Variants in MGAT4C observed in about 807,000 individuals in gnomAD.
MGAT4C encodes MGAT4 family member C.
A neutral mutation model predicts 40.1 loss-of-function variants in MGAT4C; 19 were observed. The ratio of observed to expected loss-of-function variants is 0.47; its 90% CI spans 0.33 to 0.70. The LOEUF (loss-of-function observed/expected upper bound fraction) is 0.70, where lower values mean the gene tolerates loss of function less well. Ranked by LOEUF, MGAT4C falls within the 30% of genes least tolerant of loss-of-function variation. MGAT4C has a pLI of 0.02. For missense variants in MGAT4C, 491 were observed against 563.2 expected, an observed-to-expected ratio of 0.87 and a Z score of 1.30; for synonymous variants, 181 against 187.1, an observed-to-expected ratio of 0.97 and a Z score of 0.27.
chr12:86,627,629 C>CA (rs1359840729), intron 2 of MGAT4C, among the ~76,000 whole-genome samples: 14 of 152,170 alleles, frequency 9.2e-5, no homozygotes, highest in African/African-American at 2.9e-4. Flanking sequence ...CAGCAAACTC[C>CA]AACAGACTTG....
At chr12:86,487,097 C>T (rs1478786872) in intron 2 of MGAT4C, among the ~76,000 whole-genome samples, 1 of 152,146 alleles carries the variant, frequency 6.6e-6, no homozygotes, top group Non-Finnish European at 1.5e-5. Flanking sequence ...ATTATGCTAT[C>T]ATGGTCACGT....
intron 3 of MGAT4C, among the ~76,000 whole-genome samples, chr12:86,394,907 C>T (rs903556331): frequency 1.3e-5 from 2 of 151,870 alleles, no homozygotes; most frequent in African/African-American, 4.8e-5. Context: ...TGAGACACCA[C>T]ACCCGGCTTA....
chr12:86,238,197 A>G (rs1951635078), intron 1 of MGAT4C, among the ~76,000 whole-genome samples: 1 of 151,968 alleles, frequency 6.6e-6, no homozygotes, highest in African/African-American at 2.4e-5. Flanking sequence ...TTCATGTTAG[A>G]GTAGACAAAG....
rs1435779908 is a variant in MGAT4C at position 86,061,463 on chromosome 12, GT to G, written c.-56-11741del. On this transcript the variant is annotated intron_variant, in intron 1 of 4. Coordinates refer to ENST00000611864, the MANE Select transcript of MGAT4C (RefSeq NM_001351288.2). ...GACAGACACTGAGCTAACTGCAGGA[GT>G]TTTTTTTTTGTTTTTTTTTTTCCAT... Among the ~76,000 whole-genome samples the G allele has an allele frequency of 1.4e-4, 14 of 98,504 alleles. No individual in the cohort carries two copies. In the South Asian group the frequency reaches 3.3e-3, roughly 23 times the overall value. The allele number at this position is 98,504 out of a possible 152,430, so 64.6% of individuals were successfully genotyped here. A position where few individuals can be genotyped will look rare whatever the true frequency, so the allele number is the denominator to read the frequency against.
At chr12:86,513,541 C>A (rs963932833) in intron 2 of MGAT4C, among the ~76,000 whole-genome samples, 4 of 152,134 alleles carry the variant, frequency 2.6e-5, no homozygotes, top group Non-Finnish European at 5.9e-5. Flanking sequence ...ATAATCCATT[C>A]ATTTCAATCA....
intron 3 of MGAT4C, among the ~76,000 whole-genome samples, chr12:86,364,178 T>TA (rs1026323708): frequency 4.6e-5 from 7 of 151,638 alleles, no homozygotes; most frequent in Non-Finnish European, 5.9e-5. Context: ...TCCAGAAAAT[T>TA]AAAAAAAAGA....
chr12:86,162,644 G>T (rs1453309618), intron 1 of MGAT4C, among the ~76,000 whole-genome samples: 1 of 152,044 alleles, frequency 6.6e-6, no homozygotes, highest in East Asian at 1.9e-4. Context: ...AATGAAGGTT[G>T]AAGTAAAAAT....
Position 86,096,437 on chromosome 12 carries a change from T to C in MGAT4C, c.-56-46714A>G, listed in dbSNP as rs986556767. ...CCCCTCCCCTTCCCTTCCTTTTTTTTCTTTCTTTCATATTAAAAAAATCCC... is the reference window on the plus strand; with the variant it reads ...CCCCTCCCCTTCCCTTCCTTTTTTTCCTTTCTTTCATATTAAAAAAATCCC... On this transcript the variant is annotated intron_variant, in intron 1 of 4. Coordinates refer to ENST00000611864, the MANE Select transcript of MGAT4C (RefSeq NM_001351288.2). Among the ~76,000 whole-genome samples the C allele has an allele frequency of 5.3e-5, 8 of 151,252 alleles. No homozygotes were observed. In the South Asian group the frequency reaches 1.7e-3, roughly 31 times the overall value.
chr12:86,547,268 G>T (rs552849040), intron 2 of MGAT4C, among the ~76,000 whole-genome samples: 1 of 151,790 alleles, frequency 6.6e-6, no homozygotes, highest in South Asian at 2.1e-4. Context: ...TTCTTCCTCT[G>T]CTTCCTCATC....
intron 3 of MGAT4C, among the ~76,000 whole-genome samples, chr12:86,373,362 G>A (rs938781775): frequency 6.6e-6 from 1 of 151,866 alleles, no homozygotes; most frequent in Non-Finnish European, 1.5e-5. Flanking sequence ...TGACCCTATT[G>A]TAAACATTTA....
At chr12:86,549,615 G>A (rs1181305020) in intron 2 of MGAT4C, among the ~76,000 whole-genome samples, 1 of 152,138 alleles carries the variant, frequency 6.6e-6, no homozygotes, top group Non-Finnish European at 1.5e-5. Context: ...TGTTAAATGA[G>A]GAATGACAAG....
At chr12:86,462,510 T>G (rs1042077193) in intron 2 of MGAT4C, among the ~76,000 whole-genome samples, 1 of 152,096 alleles carries the variant, frequency 6.6e-6, no homozygotes, top group African/African-American at 2.4e-5. Context: ...ACTAATAGGA[T>G]AGATGTATAT....
intron 2 of MGAT4C, among the ~76,000 whole-genome samples, chr12:86,444,394 C>A (rs999552003): frequency 4.6e-5 from 7 of 152,138 alleles, no homozygotes; most frequent in African/African-American, 1.7e-4. Flanking sequence ...ACTTTCCCTG[C>A]AGATAATCTT....
At chr12:86,729,071 G>A (rs952229670) in intron 1 of MGAT4C, among the ~76,000 whole-genome samples, 1 of 152,126 alleles carries the variant, frequency 6.6e-6, no homozygotes, top group Non-Finnish European at 1.5e-5. Context: ...AAGTGATTTT[G>A]CAAGAAGACA....
At chr12:86,315,626 A>G (rs1954195159) in intron 4 of MGAT4C, among the ~76,000 whole-genome samples, 1 of 152,128 alleles carries the variant, frequency 6.6e-6, no homozygotes, top group South Asian at 2.1e-4. Context: ...GAATGGCATG[A>G]ACCCGGGAGG....
At chr12:86,628,731 G>A (rs1347816141) in intron 2 of MGAT4C, among the ~76,000 whole-genome samples, 20 of 152,080 alleles carry the variant, frequency 1.3e-4, no homozygotes, top group Admixed American at 1.2e-3. Flanking sequence ...CGCCTTACAA[G>A]AGCTACTGAA....
chr12:86,460,860 A>G (rs1045362070), intron 2 of MGAT4C, among the ~76,000 whole-genome samples: 5 of 152,158 alleles, frequency 3.3e-5, no homozygotes, highest in Admixed American at 2.0e-4. Context: ...ATAGTAAACA[A>G]GGTTATGACA....
At chr12:86,678,897 C>T (rs1439819863) in intron 2 of MGAT4C, among the ~76,000 whole-genome samples, 1 of 152,076 alleles carries the variant, frequency 6.6e-6, no homozygotes, top group Non-Finnish European at 1.5e-5. Context: ...CATACGTGTG[C>T]ATGTGTCTTT....
At chr12:86,502,846 A>ATATG (rs1176399002) in intron 2 of MGAT4C, among the ~76,000 whole-genome samples, 2 of 95,966 alleles carry the variant, frequency 2.1e-5, no homozygotes, top group African/African-American at 8.9e-5. Context: ...CTGCTCATAT[A>ATATG]TATATATGAG....
Sources: allele counts gnomAD v4.1 joint callset (sites outside exome capture counted in the v4.1 genomes callset), GRCh38; gene constraint gnomAD v4.1.1; transcripts MANE v1.5; gene names NCBI Gene and HGNC (gene_info 2026-07-23, HGNC 2026-07-21).